The following NAALADL2 variants were observed in gnomAD, a reference collection of about 807,000 sequenced individuals.
NAALADL2 encodes N-acetylated alpha-linked acidic dipeptidase like 2.
Under a neutral mutation model 87.2 loss-of-function variants are expected in NAALADL2, and 76 were observed. That is an observed-to-expected ratio of 0.87 (90% CI 0.72 to 1.05). The LOEUF is 1.05. Ranked by LOEUF, NAALADL2 falls within the 50% of genes least tolerant of loss-of-function variation. The pLI is 0.00. For missense variants in NAALADL2, 1,089 were observed against 945.8 expected (o/e 1.15, Z -1.99); for synonymous variants, 354 against 331.0 (o/e 1.07, Z -0.75).
intron 2 of NAALADL2, among the ~76,000 whole-genome samples, chr3:174,688,559 C>G (rs1728262034): frequency 6.6e-6 from 1 of 151,956 alleles, no homozygotes; most frequent in Admixed American, 6.6e-5. Flanking sequence ...CAGTATCTTT[C>G]TATTGGCTGT....
chr3:175,696,831 A>G (rs1344154365), intron 11 of NAALADL2, among the ~76,000 whole-genome samples: 1 of 152,180 alleles, frequency 6.6e-6, no homozygotes, highest in Admixed American at 6.6e-5. Context: ...AGGCTCATCC[A>G]TGGCAGAAGG....
chr3:174,472,886 AT>A (rs1716989122), intron 1 of NAALADL2, among the ~76,000 whole-genome samples: 1 of 152,024 alleles, frequency 6.6e-6, no homozygotes, highest in Non-Finnish European at 1.5e-5. Context: ...TCTTTGCCAT[AT>A]TTGTGTTTAT....
At chr3:175,800,083 C>T (rs1435482331) in intron 13 of NAALADL2, among the ~76,000 whole-genome samples, 1 of 152,078 alleles carries the variant, frequency 6.6e-6, no homozygotes, top group Non-Finnish European at 1.5e-5. Context: ...TAACAGAGGC[C>T]TGGAGCAGTT....
intron 2 of NAALADL2, among the ~76,000 whole-genome samples, chr3:175,167,218 A>G (rs1014302635): frequency 6.6e-6 from 1 of 152,118 alleles, no homozygotes; most frequent in African/African-American, 2.4e-5. Flanking sequence ...AGTCACAGAC[A>G]ATACATAAAA....
intron 2 of NAALADL2, among the ~76,000 whole-genome samples, chr3:174,610,072 C>T (rs1719647082): frequency 1.3e-5 from 2 of 151,804 alleles, no homozygotes; most frequent in Admixed American, 6.6e-5. Context: ...GAAAGGATTC[C>T]CTATTTAATA....
chr3:175,753,608 C>T (rs1003453061), intron 12 of NAALADL2, among the ~76,000 whole-genome samples: 6 of 152,112 alleles, frequency 3.9e-5, no homozygotes, highest in African/African-American at 1.4e-4. Context: ...CTTTTCTTAG[C>T]ATATCACCTC....
At chr3:175,639,496 A>G (rs1729007654) in intron 11 of NAALADL2, among the ~76,000 whole-genome samples, 1 of 151,274 alleles carries the variant, frequency 6.6e-6, no homozygotes, top group East Asian at 1.9e-4. Flanking sequence ...AATTTTTTGT[A>G]TTTTTAGTAG....
rs572797911 is a variant in NAALADL2, at chr3:175,604,234, G to A, written c.1801-23057G>A. ...ATTTTCATAGTTATATTTTTTCATA[G>A]TAGCATCGTAATAAGTGTGAGGTGG... On this transcript the variant is annotated intron_variant, in intron 10 of 13. Coordinates refer to ENST00000454872, the MANE Select transcript of NAALADL2 (RefSeq NM_207015.3). Among the ~76,000 whole-genome samples the A allele has an allele frequency of 2.6e-4, 40 of 151,210 alleles. No individual in the cohort carries two copies. The South Asian group carries it at 8.0e-3, about 30-fold the overall frequency.
chr3:174,698,986 TTTTCA>T (rs1729295718), intron 2 of NAALADL2, among the ~76,000 whole-genome samples: 1 of 151,704 alleles, frequency 6.6e-6, no homozygotes, highest in Non-Finnish European at 1.5e-5. Flanking sequence ...TATACATTTC[TTTTCA>T]TCAGTTTTGG....
At chr3:174,583,636 C>G (rs1716401932) in intron 2 of NAALADL2, among the ~76,000 whole-genome samples, 1 of 152,128 alleles carries the variant, frequency 6.6e-6, no homozygotes, top group African/African-American at 2.4e-5. Context: ...GATAATGTCT[C>G]AGTCTCTTGG....
chr3:174,924,772 T>G (rs1245380395), intron 1 of NAALADL2, among the ~76,000 whole-genome samples: 1 of 152,208 alleles, frequency 6.6e-6, no homozygotes. Context: ...TGTGAGATGG[T>G]ATCTCATTGT....
intron 1 of NAALADL2, among the ~76,000 whole-genome samples, chr3:174,935,613 G>C (rs1737574846): frequency 6.6e-6 from 1 of 152,028 alleles, no homozygotes; most frequent in Admixed American, 6.6e-5. Context: ...CTAAGCTTGT[G>C]ACTTAAAAAC....
intron 5 of NAALADL2, among the ~76,000 whole-genome samples, chr3:175,406,083 C>T (rs1441396441): frequency 6.6e-6 from 1 of 152,146 alleles, no homozygotes; most frequent in African/African-American, 2.4e-5. Flanking sequence ...CAGATACTAA[C>T]ACTTAAACAA....
intron 1 of NAALADL2, among the ~76,000 whole-genome samples, chr3:174,986,249 TCAATATATATACA>T (rs1278659207): frequency 6.8e-5 from 10 of 146,250 alleles, no homozygotes; most frequent in African/African-American, 2.6e-4. Context: ...ATATATATAT[TCAATATATATACA>T]CAATATATAT....
In NAALADL2 at chr3:175,804,462, AC is replaced by A. The variant is rs1352078132; in HGVS notation, c.*1262del. The A allele has an allele frequency of 6.6e-6, 1 of 151,622 alleles. No homozygotes were observed. Among genetic ancestry groups the A allele is most frequent in the Non-Finnish European group, 1.5e-5 (1 of 67,774 alleles). 9.4% of individuals were successfully genotyped at this position (151,622 alleles called of 1,614,324 possible). ...CTAGCAACTATTATTATTCCCCCAA[AC>A]CCTAAAATTCTACCTATTAGGTGTC... On this transcript the variant is annotated 3_prime_UTR_variant, in exon 14 of 14. Coordinates refer to ENST00000454872, the MANE Select transcript of NAALADL2 (RefSeq NM_207015.3).
chr3:175,603,194 C>A (rs1350832238), intron 10 of NAALADL2, among the ~76,000 whole-genome samples: 4 of 152,130 alleles, frequency 2.6e-5, no homozygotes, highest in African/African-American at 9.7e-5. Flanking sequence ...ATCTACAGTA[C>A]AAGATTCAAT....
At chr3:175,723,179 C>T (rs1742472253) in intron 11 of NAALADL2, among the ~76,000 whole-genome samples, 1 of 152,092 alleles carries the variant, frequency 6.6e-6, no homozygotes, top group South Asian at 2.1e-4. Context: ...GGTCAGAGCT[C>T]TGGCAGCTGG....
chr3:175,325,155 T>C (rs1760543910), intron 5 of NAALADL2, among the ~76,000 whole-genome samples: 1 of 92,828 alleles, frequency 1.1e-5, no homozygotes, highest in South Asian at 4.0e-4. Flanking sequence ...TTTTTTTGTT[T>C]TTTTTTCCCC....
chr3:174,890,866 C>A (rs1314358463), intron 1 of NAALADL2, among the ~76,000 whole-genome samples: 3 of 152,074 alleles, frequency 2.0e-5, no homozygotes, highest in Non-Finnish European at 2.9e-5. Context: ...TTGTGAAAAT[C>A]AACCACTTGT....
Sources: gnomAD v4.1 joint callset for allele counts (sites outside exome capture counted in the v4.1 genomes callset) on GRCh38, gnomAD v4.1.1 for gene constraint, MANE v1.5 for transcripts, NCBI Gene and HGNC (gene_info 2026-07-23, HGNC 2026-07-21) for gene names.